ST3GAL4: variants seen among roughly 807,000 people sequenced by gnomAD.
ST3GAL4 encodes the protein CMP-N-acetylneuraminate-beta-galactosamide-alpha-2,3-sialyltransferase 4.
In ST3GAL4, 24 loss-of-function variants were observed where a neutral mutation model predicts 42.6. The observed-to-expected ratio is 0.56, with a 90% CI of 0.41 to 0.79. ST3GAL4 has a LOEUF of 0.79. Among genes scored for constraint, ST3GAL4 ranks in the 30% least tolerant of loss-of-function variants. ST3GAL4 has a pLI of 0.00. For synonymous variants in ST3GAL4, 135 were observed against 163.2 expected (o/e 0.83, Z 1.32); for missense variants, 311 against 430.8 (o/e 0.72, Z 2.46).
In ST3GAL4 at chr11:126,406,577, C is replaced by T. The variant is rs1954243131; in HGVS notation, c.101+20C>T. 1.2e-6 allele frequency: 2 copies of T among 1,613,978 alleles called. No homozygotes were observed. Among genetic ancestry groups the T allele is most frequent in the Admixed American group, 1.7e-5 (1 of 59,992 alleles). ...CGAGCTGTGAGTTCACCTTCCATGT[C>T]CTTCCAGTGGCTCTTGTCAGGGACA... On this transcript the variant is annotated intron_variant, in intron 3 of 10. Coordinates refer to ENST00000444328, the MANE Select transcript of ST3GAL4 (RefSeq NM_001254757.2). The surrounding 1 kb of genome is among the most constrained non-coding windows in gnomAD (Gnocchi z 5.4).
At chr11:126,399,141 A>G (rs1953898730) in intron 1 of ST3GAL4, among the ~76,000 whole-genome samples, 1 of 152,088 alleles carries the variant, frequency 6.6e-6, no homozygotes, top group South Asian at 2.1e-4. Context: ...AGTGGTCCAT[A>G]CTAATATTCT....
chr11:126,413,925 G>A, intron 10 of ST3GAL4, 36 bp from the exon 11 acceptor site: 1 of 1,609,908 alleles, frequency 6.2e-7, no homozygotes, highest in African/African-American at 1.3e-5. Flanking sequence ...AGGTCCCTGG[G>A]AGTCCCTCAG....
At chr11:126,407,682 G>T in intron 6 of ST3GAL4, 48 bp downstream of exon 6, 1 of 1,591,646 alleles carries the variant, frequency 6.3e-7, no homozygotes, top group Non-Finnish European at 8.6e-7. Flanking sequence ...CCTATTTCCT[G>T]CCCCCTGCCC....
In ST3GAL4 at chr11:126,359,799, C is replaced by T. The variant is rs1015332116; in HGVS notation, c.-61+3957C>T. 1.3e-5 allele frequency among the ~76,000 whole-genome samples: 2 copies of T among 151,048 alleles called. No homozygotes were observed. The highest frequency in any genetic ancestry group is 5.0e-5 in the African/African-American group (2 of 40,380). On this transcript the variant is annotated intron_variant, in intron 1 of 10. Coordinates refer to ENST00000444328, the MANE Select transcript of ST3GAL4 (RefSeq NM_001254757.2). The surrounding 1 kb of genome is among the most constrained non-coding windows in gnomAD (Gnocchi z 4.8). ...CTCCCAGCCTCCCCAGCCCCCACCT[C>T]TGCTGCTTTCCCTTGGCAATTGCTT...
In ST3GAL4 at chr11:126,373,580, G is replaced by T. The variant is rs1952731200; in HGVS notation, c.-61+17738G>T. On this transcript the variant is annotated intron_variant, in intron 1 of 10. Coordinates refer to ENST00000444328, the MANE Select transcript of ST3GAL4 (RefSeq NM_001254757.2). The surrounding 1 kb of genome is among the most constrained non-coding windows in gnomAD (Gnocchi z 5.5). ...CGGGTGATACAGTGTTTCTATACAG[G>T]AGTCTGCAGTGCCAGGCTGCAGGGG... is the stretch of plus-strand genomic sequence containing the variant. 6.6e-6 allele frequency among the ~76,000 whole-genome samples: 1 copy of T among 152,144 alleles called. No individual in the cohort carries two copies. The highest frequency in any genetic ancestry group is 2.4e-5 in the African/African-American group (1 of 41,428).
In ST3GAL4 at chr11:126,384,227, G is replaced by C. The variant is rs1278711729; in HGVS notation, c.-60-21869G>C. Among the ~76,000 whole-genome samples the C allele has an allele frequency of 3.3e-5, 5 of 152,176 alleles. No individual in the cohort carries two copies. The highest frequency in any genetic ancestry group is 1.2e-4 in the African/African-American group (5 of 41,430). On this transcript the variant is annotated intron_variant, in intron 1 of 10. Transcript: ENST00000444328. This position sits in a 1 kb window ranked among gnomAD's most constrained non-coding sequence, Gnocchi z 5.5. ...CGTCTCAGTGCCCAGCAGTTGTTCTGGTGATGGGAGGTGGGAGTACAAGGT... is the reference window on the plus strand; with the variant it reads ...CGTCTCAGTGCCCAGCAGTTGTTCTCGTGATGGGAGGTGGGAGTACAAGGT...
intron 1 of ST3GAL4, among the ~76,000 whole-genome samples, chr11:126,368,534 A>T (rs1483174978): frequency 6.6e-6 from 1 of 152,142 alleles, no homozygotes; most frequent in Admixed American, 6.5e-5. Flanking sequence ...GGAAGGAGTG[A>T]TGTGACCTCC....
intron 1 of ST3GAL4, among the ~76,000 whole-genome samples, chr11:126,367,549 G>C (rs1435665838): frequency 6.6e-6 from 1 of 152,206 alleles, no homozygotes; most frequent in East Asian, 1.9e-4. Flanking sequence ...CTGAATGCTT[G>C]TTCTGTGCCT....
At chr11:126,371,163 C>CTTTTTTTCTTTTTTTTT (rs1952628975) in intron 1 of ST3GAL4, among the ~76,000 whole-genome samples, 1 of 59,974 alleles carries the variant, frequency 1.7e-5, no homozygotes, top group African/African-American at 7.1e-5. Context: ...CCCCACATTC[C>CTTTTTTTCTTTTTTTTT]TTTTTTTTTT....
At chr11:126,357,542 C>T in intron 1 of ST3GAL4, among the ~76,000 whole-genome samples, 1 of 152,118 alleles carries the variant, frequency 6.6e-6, no homozygotes, top group South Asian at 2.1e-4. Flanking sequence ...AGTGACTGGC[C>T]CTCTGCTTCT....
chr11:126,406,273 GA>G lies in ST3GAL4; in HGVS notation c.16+103del. 6.5e-7 allele frequency: 1 copy of G among 1,547,906 alleles called. No homozygotes were observed. Among genetic ancestry groups the G allele is most frequent in the Non-Finnish European group, 8.7e-7 (1 of 1,145,940 alleles). On this transcript the variant is annotated intron_variant, in intron 2 of 10. Coordinates refer to ENST00000444328, the MANE Select transcript of ST3GAL4 (RefSeq NM_001254757.2). The surrounding 1 kb of genome is among the most constrained non-coding windows in gnomAD (Gnocchi z 5.4). ...TGGGGGCTGTGGAGGGACAGACAGG[GA>G]GCCAGGGGCCCTTCTCTTCATCTTG...
At position 126,383,417 on chromosome 11, in the gene ST3GAL4, A is replaced by G. The variant is rs1953083556; in HGVS notation, c.-60-22679A>G. On this transcript the variant is annotated intron_variant, in intron 1 of 10. Coordinates refer to ENST00000444328, the MANE Select transcript of ST3GAL4 (RefSeq NM_001254757.2). The surrounding 1 kb of genome is among the most constrained non-coding windows in gnomAD (Gnocchi z 4.5). ...GGGTGGGAGGAACCCACTGGGCCTG[A>G]GGGAGGTAGAGCAGCAGCAGCAGCA... Among the ~76,000 whole-genome samples the G allele has an allele frequency of 6.6e-6, 1 of 152,022 alleles. No homozygotes were observed. The highest frequency in any genetic ancestry group is 1.5e-5 in the Non-Finnish European group (1 of 68,006).
chr11:126,385,280 G>A (rs186094505), intron 1 of ST3GAL4, among the ~76,000 whole-genome samples: 159 of 151,678 alleles, frequency 1.0e-3, no homozygotes, highest in African/African-American at 3.6e-3. Context: ...TCAGCCTCCC[G>A]AGTAGGGGAC....
intron 1 of ST3GAL4, among the ~76,000 whole-genome samples, chr11:126,381,224 C>G (rs552962663): frequency 6.6e-6 from 1 of 152,172 alleles, no homozygotes; most frequent in Admixed American, 6.5e-5. Context: ...CCCTGGCCAC[C>G]CATTCAGCTG....
chr11:126,402,497 A>G (rs1398621773), intron 1 of ST3GAL4, among the ~76,000 whole-genome samples: 4 of 151,940 alleles, frequency 2.6e-5, no homozygotes, highest in African/African-American at 9.7e-5. Context: ...GAGGACAGTA[A>G]GAGTAAGTGG....
Position 126,363,950 on chromosome 11 carries a change from T to C in ST3GAL4, c.-61+8108T>C, listed in dbSNP as rs1952340794. The stretch of plus-strand genomic sequence containing the variant: ...TGGCTTTGTGACCCTCGCTTTGTAC[T>C]GTGGCTTTGTTCTGCCTTAGGGACC... On this transcript the variant is annotated intron_variant, in intron 1 of 10. Transcript: ENST00000444328. The surrounding 1 kb of genome is among the most constrained non-coding windows in gnomAD (Gnocchi z 4.6). Among the ~76,000 whole-genome samples the C allele has an allele frequency of 1.3e-5, 2 of 152,252 alleles. No individual in the cohort carries two copies. Among genetic ancestry groups the C allele is most frequent in the Non-Finnish European group, 2.9e-5 (2 of 68,046 alleles).
chr11:126,390,618 C>CTTTTTTTTTTTTTTTTTTTTTTTTTTT (rs58153137), intron 1 of ST3GAL4, among the ~76,000 whole-genome samples: 1 of 126,686 alleles, frequency 7.9e-6, no homozygotes, highest in Non-Finnish European at 1.6e-5. Flanking sequence ...GTGTTCTTTG[C>CTTTTTTTTTTTTTTTTTTTTTTTTTTT]TTTTTTTTTT....
In ST3GAL4 at chr11:126,359,775, T is replaced by TCCCAGCCTC. The variant is rs1367077302; in HGVS notation, c.-61+3941_-61+3949dup. On this transcript the variant is annotated intron_variant, in intron 1 of 10. Transcript: ENST00000444328. The surrounding 1 kb of genome is among the most constrained non-coding windows in gnomAD (Gnocchi z 4.8). ...TCCTTCCCTCCTTCCCCGTGGGCCC[T>TCCCAGCCTC]CCCAGCCTCCCCAGCCCCCACCTCT... Among the ~76,000 whole-genome samples, 1 of 147,144 alleles carries TCCCAGCCTC rather than the reference T, an allele frequency of 6.8e-6. No homozygotes were observed. Among genetic ancestry groups the TCCCAGCCTC allele is most frequent in the African/African-American group, 2.7e-5 (1 of 37,262 alleles).
In ST3GAL4 at chr11:126,359,607, G is replaced by C. The variant is rs1439408881; in HGVS notation, c.-61+3765G>C. On this transcript the variant is annotated intron_variant, in intron 1 of 10. Coordinates refer to ENST00000444328, the MANE Select transcript of ST3GAL4 (RefSeq NM_001254757.2). This position sits in a 1 kb window ranked among gnomAD's most constrained non-coding sequence, Gnocchi z 4.8. ...CCACAGTGTATTAGTGTCAAAGGTG[G>C]AACACAAACCCTGACCTCTGAGTGC... Among the ~76,000 whole-genome samples the C allele has an allele frequency of 6.6e-6, 1 of 152,176 alleles. No homozygotes were observed. The highest frequency in any genetic ancestry group is 1.5e-5 in the Non-Finnish European group (1 of 68,038).
Sources: gnomAD v4.1 joint callset for allele counts (sites outside exome capture counted in the v4.1 genomes callset) on GRCh38, gnomAD v4.1.1 for gene constraint, Gnocchi (gnomAD v3.1) non-coding constraint, MANE v1.5 for transcripts, NCBI Gene and HGNC (gene_info 2026-07-23, HGNC 2026-07-21) for gene names.